RSPH14: variants seen among roughly 807,000 people sequenced by gnomAD.
RSPH14 encodes the protein rhabdoid tumor deletion region gene 1.
Under a neutral mutation model 26.7 loss-of-function variants are expected in RSPH14, and 20 were observed. That is an observed-to-expected ratio of 0.75 (90% CI 0.53 to 1.09). The LOEUF (loss-of-function observed/expected upper bound fraction) is 1.09. Among genes scored for constraint, RSPH14 ranks in the 50% least tolerant of loss-of-function variants. RSPH14 has a pLI of 0.00. For synonymous variants in RSPH14, 177 were observed against 189.3 expected, an observed-to-expected ratio of 0.93 and a Z score of 0.53; for missense variants, 449 against 457.2, an observed-to-expected ratio of 0.98 and a Z score of 0.16.
chr22:23,161,076 G>T, the RSPH14 span: 1 of 1,505,246 alleles, frequency 6.6e-7, no homozygotes, highest in East Asian at 2.3e-5. Context: ...CTCGTCACCT[G>T]AGGCCTTGCC....
At chr22:23,067,690 C>T (rs1389584970) in intron 4 of RSPH14, among the ~76,000 whole-genome samples, 2 of 152,218 alleles carry the variant, frequency 1.3e-5, no homozygotes, top group Non-Finnish European at 2.9e-5. Context: ...TTCCTGACCA[C>T]CTCCCCAACT....
chr22:23,158,044 G>C, the RSPH14 span: 3 of 1,614,160 alleles, frequency 1.9e-6, no homozygotes, highest in African/African-American at 2.7e-5. Flanking sequence ...AGCATACCAG[G>C]TAAGTCTGGG....
chr22:23,083,430 G>A lies in RSPH14; in HGVS notation c.422-19297C>T, dbSNP rs139930501. 3.5e-4 allele frequency among the ~76,000 whole-genome samples: 53 copies of A among 152,274 alleles called. 1 individual carries two copies. In the East Asian group the frequency reaches 9.1e-3, roughly 26 times the overall value. The stretch of plus-strand genomic sequence containing the variant: ...AGGCTGCTGGGAAAGGTCATTTTAG[G>A]TAATGCTCTCAAAAGGGAGTGCTGG... On this transcript the variant is annotated intron_variant, in intron 4 of 6. Coordinates refer to ENST00000216036, the MANE Select transcript of RSPH14 (RefSeq NM_014433.3).
chr22:23,105,782 G>A (rs116488788), intron 4 of RSPH14, among the ~76,000 whole-genome samples: 254 of 152,332 alleles, frequency 1.7e-3, no homozygotes, highest in African/African-American at 5.7e-3. Flanking sequence ...GGGGAGCAGG[G>A]GTGCAGGTTA....
intron 4 of RSPH14, among the ~76,000 whole-genome samples, chr22:23,130,155 G>GAAAGAA (rs1285109829): frequency 1.2e-4 from 15 of 121,510 alleles, no homozygotes; most frequent in East Asian, 5.5e-4. Flanking sequence ...AAGAAAGAAA[G>GAAAGAA]AAAGAAAAAG....
the RSPH14 span, chr22:23,160,914 GC>G: frequency 1.2e-6 from 2 of 1,613,878 alleles, no homozygotes; most frequent in Non-Finnish European, 1.7e-6. Flanking sequence ...CCGCGTAGCC[GC>G]CCTGGCATTC....
the RSPH14 span, chr22:23,159,333 T>A: frequency 7.5e-7 from 1 of 1,338,792 alleles, no homozygotes; most frequent in South Asian, 1.4e-5. Flanking sequence ...CATGCAGTGT[T>A]TCCCTCTGTA....
chr22:23,146,003 G>A (rs1290280246), upstream of RSPH14: 3 of 985,202 alleles, frequency 3.0e-6, no homozygotes, highest in Non-Finnish European at 3.6e-6. Flanking sequence ...CACTGCCTGA[G>A]CTGTGCCATG....
At chr22:23,084,542 G>C (rs1569165600) in intron 4 of RSPH14, among the ~76,000 whole-genome samples, 1 of 152,182 alleles carries the variant, frequency 6.6e-6, no homozygotes, top group East Asian at 1.9e-4. Context: ...AAACCATCAG[G>C]CCTTCTTGCA....
At chr22:23,060,166 T>G (rs1000709152) in intron 6 of RSPH14, among the ~76,000 whole-genome samples, 1 of 151,928 alleles carries the variant, frequency 6.6e-6, no homozygotes, top group African/African-American at 2.4e-5. Flanking sequence ...ACTGAGACAC[T>G]GGCTCTTTAA....
At chr22:23,160,486 G>A in the RSPH14 span, among the ~76,000 whole-genome samples, 73 of 152,338 alleles carry the variant, frequency 4.8e-4, no homozygotes, top group African/African-American at 1.3e-3. Context: ...CAGCCCCACC[G>A]GACAGGTATG....
Position 23,063,922 on chromosome 22 carries a change from G to C in RSPH14, c.633C>G (p.Ala211=), listed in dbSNP as rs1284351143. ...CTCACCTGACATTAAGGAGCGCACG[G>C]GCGGCCTTGCTGCGGATGTTCTGGT... The part of the protein sequence containing the change: ...SANQNIRSKA[A]RALLNVSISR... Residue 211 remains alanine (A), a synonymous_variant, in exon 5 of 7, where the codon GCC becomes GCG. Transcript: ENST00000216036. 3 of 1,614,032 alleles carry C rather than the reference G, an allele frequency of 1.9e-6. No homozygotes were observed. In the African/African-American group the frequency reaches 4.0e-5, roughly 22 times the overall value.
the RSPH14 span, chr22:23,156,058 C>T: frequency 6.3e-7 from 1 of 1,596,300 alleles, no homozygotes; most frequent in Non-Finnish European, 8.6e-7. Context: ...CGTCGGGGCT[C>T]AACTGCATGC....
chr22:23,126,959 G>A (rs2070199057), intron 4 of RSPH14, among the ~76,000 whole-genome samples: 1 of 152,232 alleles, frequency 6.6e-6, no homozygotes. Flanking sequence ...TCACTGGGGG[G>A]CACACTCATG....
At chr22:23,166,942 T>C in the RSPH14 span, among the ~76,000 whole-genome samples, 1 of 152,068 alleles carries the variant, frequency 6.6e-6, no homozygotes, top group Non-Finnish European at 1.5e-5. Flanking sequence ...GCCAGCCCCG[T>C]ATGCAGTGAG....
chr22:23,117,267 C>T (rs1172520017), intron 4 of RSPH14, among the ~76,000 whole-genome samples: 3 of 152,128 alleles, frequency 2.0e-5, no homozygotes, highest in African/African-American at 4.8e-5. Flanking sequence ...CCAGAGGTGC[C>T]GACACGGTAT....
intron 4 of RSPH14, among the ~76,000 whole-genome samples, chr22:23,119,892 G>A (rs2069962498): frequency 6.6e-6 from 1 of 152,196 alleles, no homozygotes; most frequent in African/African-American, 2.4e-5. Context: ...TCTCCTCGGT[G>A]CCCACTAAAT....
At chr22:23,130,412 A>G (rs9624033) in intron 4 of RSPH14, among the ~76,000 whole-genome samples, 89,686 of 148,488 alleles carry the variant, frequency 0.6, 28,054 homozygotes, top group African/African-American at 0.77. Flanking sequence ...CTGAGACTGC[A>G]CCAGTGCACT....
chr22:23,100,065 C>A (rs565446394), intron 4 of RSPH14, among the ~76,000 whole-genome samples: 87 of 152,398 alleles, frequency 5.7e-4, no homozygotes, highest in African/African-American at 2.0e-3. Context: ...GAGCTGTCAG[C>A]ATTCCCAGCC....
Sources: gnomAD v4.1 joint callset for allele counts (sites outside exome capture counted in the v4.1 genomes callset) on GRCh38, gnomAD v4.1.1 for gene constraint, MANE v1.5 for transcripts, NCBI Gene and HGNC (gene_info 2026-07-23, HGNC 2026-07-21) for gene names.